NCOA2: variants seen among roughly 807,000 people sequenced by gnomAD.
NCOA2 encodes the protein nuclear receptor coactivator 2.
Under a neutral mutation model 145.1 loss-of-function variants are expected in NCOA2, and 21 were observed. The observed-to-expected ratio is 0.14, with a 90% CI of 0.10 to 0.21. The LOEUF is 0.21. Among genes scored for constraint, NCOA2 ranks in the 10% least tolerant of loss-of-function variants. The pLI, the probability that NCOA2 is intolerant of heterozygous loss-of-function variation, is 1.00. For missense variants in NCOA2, 1,472 were observed against 1,837.6 expected, an observed-to-expected ratio of 0.80 and a Z score of 3.64; for synonymous variants, 619 against 637.5, an observed-to-expected ratio of 0.97 and a Z score of 0.44.
rs188738626 is a variant in NCOA2 at position 70,140,315 on chromosome 8, T to C, written c.3028+869A>G. On this transcript the variant is annotated intron_variant, in intron 14 of 22. Transcript: ENST00000452400. Reference sequence around the variant, plus strand: ...GGCCCTAGGTAACCACTACTTTACTTTCTGTCCCTACAGATTTGCTCATTC... The same window carrying C: ...GGCCCTAGGTAACCACTACTTTACTCTCTGTCCCTACAGATTTGCTCATTC... 5.4e-3 allele frequency among the ~76,000 whole-genome samples: 827 copies of C among 152,298 alleles called. 7 individuals are homozygous for C. The highest frequency in any genetic ancestry group is 0.029 in the South Asian group (138 of 4,826).
At position 70,157,141 on chromosome 8, in the gene NCOA2, C is replaced by T. The variant is rs1384362105; in HGVS notation, c.1224G>A (p.Leu408=). 5 of 1,613,420 alleles carry T rather than the reference C, an allele frequency of 3.1e-6. No homozygotes were observed. The highest frequency in any genetic ancestry group is 4.2e-6 in the Non-Finnish European group (5 of 1,179,474). ...TGTCCTGACCTGGGTTCCCACTGCACAGGGCCTGATGGGCAGGGCTGTTAG... is the reference window on the plus strand; with the variant it reads ...TGTCCTGACCTGGGTTCCCACTGCATAGGGCCTGATGGGCAGGGCTGTTAG... The part of the protein sequence containing the change: ...ISSNSPAHQA[L]CSGNPGQDMT... Residue 408 remains leucine (L), a synonymous_variant, in exon 11 of 23, where the codon CTG becomes CTA. Transcript: ENST00000452400.
At position 70,115,424 on chromosome 8, in the gene NCOA2, A is replaced by G. The variant is rs186435310; in HGVS notation, c.4384-1781T>C. The stretch of plus-strand genomic sequence containing the variant: ...GTGCTCCGCACACACCTCTGGAGTC[A>G]TGCTGCCTGGGGTGTACCCTGGCTG... On this transcript the variant is annotated intron_variant, in intron 22 of 22. Coordinates refer to ENST00000452400, the MANE Select transcript of NCOA2 (RefSeq NM_006540.4). 1.9e-3 allele frequency among the ~76,000 whole-genome samples: 291 copies of G among 152,366 alleles called. 1 individual carries two copies. Among genetic ancestry groups the G allele is most frequent in the East Asian group, 9.0e-3 (47 of 5,194 alleles).
intron 1 of NCOA2, among the ~76,000 whole-genome samples, chr8:70,313,974 T>C (rs1191966118): frequency 6.6e-6 from 1 of 151,700 alleles, no homozygotes; most frequent in Non-Finnish European, 1.5e-5. Context: ...ATGAAGACCA[T>C]CCTGGCTACG....
At chr8:70,419,536 C>G in the NCOA2 span, among the ~76,000 whole-genome samples, 1 of 151,782 alleles carries the variant, frequency 6.6e-6, no homozygotes, top group African/African-American at 2.4e-5. Flanking sequence ...ACTTTTTTTG[C>G]CCCTTTTCTT....
chr8:70,423,175 T>G, the NCOA2 span, among the ~76,000 whole-genome samples: 1 of 151,992 alleles, frequency 6.6e-6, no homozygotes, highest in Non-Finnish European at 1.5e-5. Flanking sequence ...TTTCTTGTGG[T>G]TTTTTGTTTT....
chr8:70,368,213 T>C (rs973043872), intron 1 of NCOA2, among the ~76,000 whole-genome samples: 1 of 152,186 alleles, frequency 6.6e-6, no homozygotes, highest in South Asian at 2.1e-4. Flanking sequence ...GTAAAGCATA[T>C]ATAGGACGTG....
chr8:70,379,340 A>G (rs1205576342), intron 1 of NCOA2, among the ~76,000 whole-genome samples: 1 of 152,188 alleles, frequency 6.6e-6, no homozygotes, highest in Non-Finnish European at 1.5e-5. Flanking sequence ...TGTTTTAGAA[A>G]TATTTGTTAA....
At chr8:70,395,837 A>C (rs561379459) in intron 1 of NCOA2, among the ~76,000 whole-genome samples, 1 of 152,348 alleles carries the variant, frequency 6.6e-6, no homozygotes, top group South Asian at 2.1e-4. Flanking sequence ...GTTTTGGGTC[A>C]TATTTCATAT....
At chr8:70,128,562 C>T (rs1808717067) in intron 17 of NCOA2, 52 bp from the exon 18 acceptor site, 1 of 1,596,552 alleles carries the variant, frequency 6.3e-7, no homozygotes. Flanking sequence ...ATACATTTTA[C>T]TTTAAATCAA....
chr8:70,295,527 C>T (rs1278693479), intron 2 of NCOA2, among the ~76,000 whole-genome samples: 1 of 152,138 alleles, frequency 6.6e-6, no homozygotes, highest in African/African-American at 2.4e-5. Context: ...GAGTTATCTT[C>T]TTAATTCTAC....
chr8:70,123,921 A>G lies in NCOA2; in HGVS notation c.4256T>C (p.Val1419Ala), dbSNP rs775264871. 6.2e-7 allele frequency: 1 copy of G among 1,613,882 alleles called. No individual in the cohort carries two copies. Residue 1419 changes from valine (V) to alanine (A), a missense_variant, in exon 21 of 23, where the codon GTG becomes GCG. Val to Ala is a moderately conservative substitution (Grantham distance 64, BLOSUM62 0). This residue lies in a region of NCOA2 where 232 missense variants were observed against 290.6 expected (regional missense o/e 0.80). Transcript: ENST00000452400. ...GQISMTSVTS[V>A]PTSGLSSMGP... ...CATGGAGGACAGCCCTGACGTAGGC[A>G]CGGAGGTCACTGAGGTCATGCTGAT...
chr8:70,261,345 G>A (rs374148786), intron 2 of NCOA2, among the ~76,000 whole-genome samples: 7 of 151,984 alleles, frequency 4.6e-5, no homozygotes, highest in Non-Finnish European at 7.4e-5. Context: ...GTAAACTATC[G>A]CAGGAACAAA....
chr8:70,180,210 T>C (rs1369862139), intron 4 of NCOA2, among the ~76,000 whole-genome samples: 1 of 152,252 alleles, frequency 6.6e-6, no homozygotes, highest in Non-Finnish European at 1.5e-5. Context: ...TCTTTTTAGA[T>C]CTGATCAGTA....
At chr8:70,236,949 T>C (rs1478702700) in intron 2 of NCOA2, among the ~76,000 whole-genome samples, 2 of 152,156 alleles carry the variant, frequency 1.3e-5, no homozygotes, top group African/African-American at 4.8e-5. Context: ...ATCATAACTA[T>C]CTTATTTATG....
At chr8:70,339,358 AG>A (rs1223765945) in intron 1 of NCOA2, among the ~76,000 whole-genome samples, 1 of 152,104 alleles carries the variant, frequency 6.6e-6, no homozygotes, top group Non-Finnish European at 1.5e-5. Flanking sequence ...TAAAATACCT[AG>A]GAATACAGCT....
the NCOA2 span, among the ~76,000 whole-genome samples, chr8:70,419,847 T>G: frequency 6.6e-6 from 1 of 152,232 alleles, no homozygotes; most frequent in Non-Finnish European, 1.5e-5. Context: ...TGTATACATT[T>G]CCCATGACTT....
At chr8:70,366,844 G>A (rs961617701) in intron 1 of NCOA2, among the ~76,000 whole-genome samples, 6 of 151,918 alleles carry the variant, frequency 3.9e-5, no homozygotes, top group Non-Finnish European at 8.8e-5. Flanking sequence ...CAGAACTCCA[G>A]TAGCCACAAT....
chr8:70,388,521 C>T (rs1812875903), intron 1 of NCOA2, among the ~76,000 whole-genome samples: 2 of 152,222 alleles, frequency 1.3e-5, no homozygotes, highest in East Asian at 3.9e-4. Flanking sequence ...ATTTTTTATT[C>T]TAATGTATAT....
intron 4 of NCOA2, among the ~76,000 whole-genome samples, chr8:70,206,633 G>T (rs1468722573): frequency 6.6e-6 from 1 of 152,144 alleles, no homozygotes; most frequent in Non-Finnish European, 1.5e-5. Context: ...GATGGTTAGA[G>T]GTCTCTCATT....
Sources: gnomAD v4.1 joint callset for allele counts (sites outside exome capture counted in the v4.1 genomes callset) on GRCh38, gnomAD v4.1.1 for gene constraint, gnomAD v4.1.1 regional missense constraint, MANE v1.5 for transcripts, NCBI Gene and HGNC (gene_info 2026-07-23, HGNC 2026-07-21) for gene names.